Variants in PDZRN4 observed in about 807,000 individuals in gnomAD.
The protein encoded by PDZRN4 is PDZ domain-containing RING finger protein 4.
A neutral mutation model predicts 99.0 loss-of-function variants in PDZRN4; 70 were observed. That is an observed-to-expected ratio of 0.71 (90% CI 0.58 to 0.86). The LOEUF (loss-of-function observed/expected upper bound fraction) is 0.86. Among genes scored for constraint, PDZRN4 ranks in the 40% least tolerant of loss-of-function variants. The pLI is 0.00. For synonymous variants in PDZRN4, 551 were observed against 501.6 expected (o/e 1.10, Z -1.32); for missense variants, 1,474 against 1,331.2 (o/e 1.11, Z -1.67).
intron 3 of PDZRN4, among the ~76,000 whole-genome samples, chr12:41,393,350 G>T (rs891757751): frequency 6.6e-6 from 1 of 152,042 alleles, no homozygotes. Context: ...TTGTTGCCGT[G>T]GCTGTGTGTA....
At chr12:41,299,257 G>A (rs1218663614) in intron 3 of PDZRN4, among the ~76,000 whole-genome samples, 3 of 150,428 alleles carry the variant, frequency 2.0e-5, no homozygotes, top group Non-Finnish European at 4.4e-5. Context: ...TGGTTTCAGA[G>A]AGTAAAATGA....
chr12:41,533,589 C>A (rs754713532), intron 5 of PDZRN4, among the ~76,000 whole-genome samples: 2 of 152,142 alleles, frequency 1.3e-5, no homozygotes, highest in East Asian at 3.9e-4. Flanking sequence ...TATTTTGTGG[C>A]GTATCTTTTA....
At chr12:41,490,678 T>A (rs1161730678) in intron 3 of PDZRN4, among the ~76,000 whole-genome samples, 1 of 152,174 alleles carries the variant, frequency 6.6e-6, no homozygotes, top group Non-Finnish European at 1.5e-5. Flanking sequence ...GACTCTCTTG[T>A]CTTGAGGCTG....
intron 3 of PDZRN4, among the ~76,000 whole-genome samples, chr12:41,238,889 TGAAA>T (rs1951086207): frequency 6.6e-6 from 1 of 152,142 alleles, no homozygotes; most frequent in African/African-American, 2.4e-5. Context: ...TCAAACACTG[TGAAA>T]GACAGTGTGG....
intron 3 of PDZRN4, among the ~76,000 whole-genome samples, chr12:41,232,927 T>A (rs1009846350): frequency 3.3e-5 from 5 of 152,160 alleles, no homozygotes; most frequent in African/African-American, 1.2e-4. Flanking sequence ...AAATAGGCAA[T>A]CCTTTCCCCA....
intron 3 of PDZRN4, among the ~76,000 whole-genome samples, chr12:41,214,753 A>G (rs887257026): frequency 1.3e-5 from 2 of 151,984 alleles, no homozygotes; most frequent in Admixed American, 1.3e-4. Flanking sequence ...AGCAATTTAC[A>G]TAAGATCCTA....
Position 41,574,709 on chromosome 12 carries a change from T to C in PDZRN4, c.*819T>C, listed in dbSNP as rs1939551107. 6.6e-6 allele frequency: 1 copy of C among 152,226 alleles called. No individual in the cohort carries two copies. Among genetic ancestry groups the C allele is most frequent in the African/African-American group, 2.4e-5 (1 of 41,462 alleles). The allele number at this position is 152,226 out of a possible 1,614,324, so 9.4% of individuals were successfully genotyped here. On this transcript the variant is annotated 3_prime_UTR_variant, in exon 10 of 10. Coordinates refer to ENST00000402685, the MANE Select transcript of PDZRN4 (RefSeq NM_001164595.2). ...ATAAAATGTGCACATTTTCTATCAC[T>C]TGTTTCCAATAAAGTTGTATTGAAA...
Position 41,188,492 on chromosome 12 carries a change from G to A in PDZRN4, c.37G>A (p.Asp13Asn). Residue 13 changes from aspartate (D) to asparagine (N), a missense_variant, in exon 1 of 10, where the codon GAC becomes AAC. Physicochemically the swap from Asp to Asn is conservative, Grantham distance 23. Coordinates refer to ENST00000402685, the MANE Select transcript of PDZRN4 (RefSeq NM_001164595.2). ...FALERFAEAV[D>N]PALECKLCGQ... ...CCTGGAGCGCTTCGCAGAAGCCGTG[G>A]ACCCGGCTCTGGAGTGCAAACTGTG... The A allele has an allele frequency of 1.3e-6, 2 of 1,592,038 alleles. No homozygotes were observed. Among genetic ancestry groups the A allele is most frequent in the Non-Finnish European group, 8.5e-7 (1 of 1,176,942 alleles).
intron 5 of PDZRN4, among the ~76,000 whole-genome samples, chr12:41,522,249 A>G (rs902949776): frequency 6.6e-6 from 1 of 152,150 alleles, no homozygotes; most frequent in African/African-American, 2.4e-5. Context: ...CCTGTCTGAT[A>G]GACAAAGAAA....
At chr12:41,317,778 C>G (rs1042765400) in intron 3 of PDZRN4, among the ~76,000 whole-genome samples, 2 of 152,144 alleles carry the variant, frequency 1.3e-5, no homozygotes, top group Non-Finnish European at 2.9e-5. Flanking sequence ...TCCACCTTCT[C>G]CACTGCTCTC....
intron 9 of PDZRN4, among the ~76,000 whole-genome samples, chr12:41,570,460 C>T (rs1939453477): frequency 6.6e-6 from 1 of 152,086 alleles, no homozygotes; most frequent in Non-Finnish European, 1.5e-5. Context: ...AATACCTACC[C>T]ATATGTGAAC....
intron 3 of PDZRN4, among the ~76,000 whole-genome samples, chr12:41,300,597 A>T (rs1403728092): frequency 6.6e-6 from 1 of 151,678 alleles, no homozygotes; most frequent in African/African-American, 2.4e-5. Context: ...TTGAGAAATG[A>T]CCTCTAATAA....
chr12:41,386,034 T>C (rs1036667263), intron 3 of PDZRN4, among the ~76,000 whole-genome samples: 3 of 152,172 alleles, frequency 2.0e-5, no homozygotes, highest in African/African-American at 7.2e-5. Context: ...TAAATGTGAT[T>C]CCTCACATAA....
intron 3 of PDZRN4, among the ~76,000 whole-genome samples, chr12:41,335,340 G>A (rs1177812497): frequency 6.6e-6 from 1 of 151,790 alleles, no homozygotes; most frequent in Non-Finnish European, 1.5e-5. Context: ...ATGTATACAT[G>A]TGCCATGTTG....
chr12:41,247,200 A>C (rs1037461427), intron 3 of PDZRN4, among the ~76,000 whole-genome samples: 1 of 152,208 alleles, frequency 6.6e-6, no homozygotes, highest in African/African-American at 2.4e-5. Flanking sequence ...GAGAGTATGG[A>C]GGAACGATGT....
chr12:41,405,264 A>G (rs1374416221), intron 3 of PDZRN4, among the ~76,000 whole-genome samples: 1 of 152,158 alleles, frequency 6.6e-6, no homozygotes, highest in Non-Finnish European at 1.5e-5. Context: ...CAAAAAAACA[A>G]CCATATTAAA....
chr12:41,260,507 G>A (rs1163871106), intron 3 of PDZRN4, among the ~76,000 whole-genome samples: 1 of 152,072 alleles, frequency 6.6e-6, no homozygotes, highest in Non-Finnish European at 1.5e-5. Flanking sequence ...AATTATACAT[G>A]AGTTAATATA....
At chr12:41,211,783 A>G (rs990601048) in intron 3 of PDZRN4, among the ~76,000 whole-genome samples, 1 of 152,024 alleles carries the variant, frequency 6.6e-6, no homozygotes, top group African/African-American at 2.4e-5. Context: ...TATACTAGCT[A>G]AAATAGAAAT....
At chr12:41,443,448 G>A (rs1417806635) in intron 3 of PDZRN4, among the ~76,000 whole-genome samples, 1 of 152,112 alleles carries the variant, frequency 6.6e-6, no homozygotes, top group Non-Finnish European at 1.5e-5. Flanking sequence ...CCTGGGTATG[G>A]CCTGACAGTG....
Sources: gnomAD v4.1 joint callset for allele counts (sites outside exome capture counted in the v4.1 genomes callset) on GRCh38, gnomAD v4.1.1 for gene constraint, MANE v1.5 for transcripts, NCBI Gene and HGNC (gene_info 2026-07-23, HGNC 2026-07-21) for gene names.